RASL11B: variants seen among roughly 807,000 people sequenced by gnomAD.
RASL11B encodes ras-like protein family member 11B.
In RASL11B, 14 loss-of-function variants were observed where a neutral mutation model predicts 22.9. The ratio of observed to expected loss-of-function variants is 0.61; its 90% CI spans 0.40 to 0.96. The LOEUF is 0.96. Ranked by LOEUF, RASL11B falls within the 40% of genes least tolerant of loss-of-function variation. The pLI, the probability that RASL11B is intolerant of heterozygous loss-of-function variation, is 0.00. For missense variants in RASL11B, 261 were observed against 322.0 expected, an observed-to-expected ratio of 0.81 and a Z score of 1.45; for synonymous variants, 143 against 130.2, an observed-to-expected ratio of 1.10 and a Z score of -0.67.
rs764409756 is a variant in RASL11B, at chr4:52,864,533, T to C, written c.255T>C (p.Val85=). ...QIEGETLALQ[V]QDTPGIQVHE... ...AAGGTGAAACCCTGGCTCTTCAGGT[T>C]CAAGACACTCCAGGTATTCAGGTGA... The change falls in exon 3 of 4, where the codon GTT becomes GTC. Residue 85 remains valine, a synonymous_variant. Transcript: ENST00000248706. The C allele has an allele frequency of 1.4e-5, 22 of 1,610,048 alleles. No homozygotes were observed. The highest frequency in any genetic ancestry group is 8.3e-5 in the Admixed American group (5 of 60,010).
At position 52,864,483 on chromosome 4, in the gene RASL11B, C is replaced by G. The variant is rs1421940307; in HGVS notation, c.205C>G (p.Leu69Val). The change falls in exon 3 of 4, where the codon CTC becomes GTC. Residue 69 changes from leucine to valine, a missense_variant. Transcript: ENST00000248706. The stretch of plus-strand genomic sequence containing the variant: ...TCTTTTATTTGCCTTCATAGGTAAT[C>G]TCTATACTAGACAAGTTCAGATAGA... ...IGDYERNAGN[L>V]YTRQVQIEGE... The G allele has an allele frequency of 6.3e-7, 1 of 1,589,816 alleles. No homozygotes were observed. Among genetic ancestry groups the G allele is most frequent in the Non-Finnish European group, 8.6e-7 (1 of 1,158,086 alleles).
chr4:52,866,593 ATG>A lies in RASL11B; in HGVS notation c.*792_*793del, dbSNP rs1718265783. 1 of 152,618 alleles carries A rather than the reference ATG, an allele frequency of 6.6e-6. No individual in the cohort carries two copies. The highest frequency in any genetic ancestry group is 1.5e-5 in the Non-Finnish European group (1 of 68,062). 9.5% of individuals were successfully genotyped at this position (152,618 alleles called of 1,614,324 possible). A position where few individuals can be genotyped will look rare whatever the true frequency, so the allele number is the denominator to read the frequency against. ...TTTTAACTGTTCCATCAGGAAAAAA[ATG>A]TGTCAGTTGATTTTGGTGTGACTTG... is the stretch of plus-strand genomic sequence containing the variant. On this transcript the variant is annotated 3_prime_UTR_variant, in exon 4 of 4. Transcript: ENST00000248706.
rs1718238322 is a variant in RASL11B at position 52,865,430 on chromosome 4, G to C, written c.372G>C (p.Lys124Asn). 2 of 1,614,064 alleles carry C rather than the reference G, an allele frequency of 1.2e-6. No homozygotes were observed. Among genetic ancestry groups the C allele is most frequent in the African/African-American group, 1.3e-5 (1 of 74,926 alleles). The change falls in exon 4 of 4, where the codon AAG becomes AAC. Residue 124 changes from lysine (K) to asparagine (N), a missense_variant. Physicochemically the swap from Lys to Asn is moderately conservative, Grantham distance 94. Transcript: ENST00000248706. ...VVIVFSITDYKSYELISQLHQ... is the reference protein window; with the variant it reads ...VVIVFSITDYNSYELISQLHQ... ...TCGTTTTCTCCATCACTGACTACAAGAGCTATGAACTCATCAGCCAGCTCC... is the reference window on the plus strand; with the variant it reads ...TCGTTTTCTCCATCACTGACTACAACAGCTATGAACTCATCAGCCAGCTCC...
chr4:52,864,554 G>C lies in RASL11B; in HGVS notation c.276G>C (p.Gln92His). The change falls in exon 3 of 4, where the codon CAG becomes CAC. Residue 92 changes from glutamine to histidine, a missense_variant and splice_region_variant. Coordinates refer to ENST00000248706, the MANE Select transcript of RASL11B (RefSeq NM_023940.3). The stretch of plus-strand genomic sequence containing the variant: ...AGGTTCAAGACACTCCAGGTATTCA[G>C]GTGAGAAGCTCTGAGACTCTGGGTG... ...ALQVQDTPGI[Q>H]VHENSLSCSE... The C allele has an allele frequency of 3.1e-6, 5 of 1,599,374 alleles. No homozygotes were observed. The highest frequency in any genetic ancestry group is 4.3e-6 in the Non-Finnish European group (5 of 1,166,558).
intron 1 of RASL11B, 60 bp downstream of exon 1, chr4:52,862,709 C>G: frequency 1.4e-6 from 2 of 1,472,498 alleles, no homozygotes; most frequent in East Asian, 5.0e-5. Flanking sequence ...GGAGTTGAGG[C>G]TGAACAAGGC....
rs753555286 is a variant in RASL11B at position 52,862,550 on chromosome 4, G to A, written c.43G>A (p.Ala15Thr). ...CATGTGCACCATCGCCGAGTACCCC[G>A]CGCCGGGCAACGCCGCGGCCTCCGA... Reference protein sequence around the residue: ...QNMCTIAEYPAPGNAAASDCC... With the variant: ...QNMCTIAEYPTPGNAAASDCC... Residue 15 changes from alanine (A) to threonine (T), a missense_variant, in exon 1 of 4, where the codon GCG becomes ACG. By Grantham distance (58) the Ala-to-Thr change is moderately conservative (BLOSUM62 0). Coordinates refer to ENST00000248706, the MANE Select transcript of RASL11B (RefSeq NM_023940.3). 1 of 1,605,838 alleles carries A rather than the reference G, an allele frequency of 6.2e-7. No homozygotes were observed. Among genetic ancestry groups the A allele is most frequent in the South Asian group, 1.1e-5 (1 of 90,626 alleles).
At chr4:52,865,140 CA>C (rs372747892) in intron 3 of RASL11B, among the ~76,000 whole-genome samples, 194 bp from the exon 4 acceptor site, 5 of 152,318 alleles carry the variant, frequency 3.3e-5, no homozygotes, top group Non-Finnish European at 1.5e-5. Flanking sequence ...TGGTAAGCTG[CA>C]CTGTTATTTA....
chr4:52,865,243 A>G (rs946537968), intron 3 of RASL11B, 92 bp from the exon 4 acceptor site: 2 of 1,039,716 alleles, frequency 1.9e-6, no homozygotes, highest in Non-Finnish European at 1.4e-6. Context: ...TGGCACTACT[A>G]TGAAGGGCTC....
Position 52,865,843 on chromosome 4 carries a change from G to A in RASL11B, c.*38G>A. On this transcript the variant is annotated 3_prime_UTR_variant, in exon 4 of 4. Transcript: ENST00000248706. ...ACTCAAGGGGGTTTGGTCTTCCCAG[G>A]AAGAGGGCCTGAGGTTCTCCTAGTG... 1 of 1,497,772 alleles carries A rather than the reference G, an allele frequency of 6.7e-7. No individual in the cohort carries two copies. Among genetic ancestry groups the A allele is most frequent in the Non-Finnish European group, 9.2e-7 (1 of 1,082,558 alleles). The allele number at this position is 1,497,772 out of a possible 1,614,324, so 92.8% of individuals were successfully genotyped here.
chr4:52,864,437 A>G lies in RASL11B; in HGVS notation c.200-41A>G, dbSNP rs1463122044. 5 of 1,268,080 alleles carry G rather than the reference A, an allele frequency of 3.9e-6. No individual in the cohort carries two copies. In the South Asian group the frequency reaches 4.9e-5, roughly 12 times the overall value. 78.6% of individuals were successfully genotyped at this position (1,268,080 alleles called of 1,614,324 possible). A position where few individuals can be genotyped will look rare whatever the true frequency, so the allele number is the denominator to read the frequency against. On this transcript the variant is annotated intron_variant, in intron 2 of 3. Coordinates refer to ENST00000248706, the MANE Select transcript of RASL11B (RefSeq NM_023940.3). ...AAACTCACAATGTTTTAAAAGTTGT[A>G]CAAGAAGGAAGAACATAATCTCTTT...
In RASL11B at chr4:52,866,161, G is replaced by T. The variant is rs751509061; in HGVS notation, c.*356G>T. On this transcript the variant is annotated 3_prime_UTR_variant, in exon 4 of 4. Coordinates refer to ENST00000248706, the MANE Select transcript of RASL11B (RefSeq NM_023940.3). ...AAATGTATTGATGTGATTTACAGTG[G>T]GAATGAAAGAACAGATTAAGCATTG... 1.6e-4 allele frequency: 37 copies of T among 234,396 alleles called. No homozygotes were observed. The highest frequency in any genetic ancestry group is 2.1e-4 in the Non-Finnish European group (25 of 121,108). The allele number at this position is 234,396 out of a possible 1,614,324, so 14.5% of individuals were successfully genotyped here.
rs749853342 is a variant in RASL11B at position 52,865,421 on chromosome 4, T to C, written c.363T>C (p.Thr121=). 6.2e-7 allele frequency: 1 copy of C among 1,614,180 alleles called. No homozygotes were observed. Among genetic ancestry groups the C allele is most frequent in the East Asian group, 2.2e-5 (1 of 44,882 alleles). ...CTGTGGTGATCGTTTTCTCCATCAC[T>C]GACTACAAGAGCTATGAACTCATCA... ...ADAVVIVFSI[T]DYKSYELISQ... is the part of the protein sequence containing the mutation. Residue 121 remains threonine (T), a synonymous_variant, in exon 4 of 4, where the codon ACT becomes ACC. Transcript: ENST00000248706.
At position 52,862,332 on chromosome 4, in the gene RASL11B, C is replaced by CTCAG; in HGVS notation, c.-176_-175insTCAG. ...GCGCGAGTGCAGTCTGGGTCTGGAG[C>CTCAG]CTGAGCCCTGCGGAACCTCGGCGCT... On this transcript the variant is annotated 5_prime_UTR_variant, in exon 1 of 4. Transcript: ENST00000248706. 1.6e-6 allele frequency: 1 copy of CTCAG among 622,364 alleles called. No individual in the cohort carries two copies. Among genetic ancestry groups the CTCAG allele is most frequent in the Non-Finnish European group, 2.6e-6 (1 of 388,606 alleles). 38.6% of individuals were successfully genotyped at this position (622,364 alleles called of 1,614,324 possible).
rs762091155 is a variant in RASL11B, at chr4:52,862,337, G to A, written c.-171G>A. The A allele has an allele frequency of 1.2e-4, 76 of 645,012 alleles. No individual in the cohort carries two copies. The highest frequency in any genetic ancestry group is 9.0e-4 in the Middle Eastern group (2 of 2,230). 40.0% of individuals were successfully genotyped at this position (645,012 alleles called of 1,614,324 possible). A position where few individuals can be genotyped will look rare whatever the true frequency, so the allele number is the denominator to read the frequency against. On this transcript the variant is annotated 5_prime_UTR_variant, in exon 1 of 4. Transcript: ENST00000248706. ...AGTGCAGTCTGGGTCTGGAGCCTGA[G>A]CCCTGCGGAACCTCGGCGCTCGGCC...
At chr4:52,863,524 TTCA>T (rs1234166818) in intron 2 of RASL11B, 200 bp downstream of exon 2, 3 of 595,578 alleles carry the variant, frequency 5.0e-6, no homozygotes, top group Non-Finnish European at 9.0e-6. Context: ...TCCAAGCCCA[TTCA>T]TCATTTTATC....
At chr4:52,862,769 G>A in intron 1 of RASL11B, 120 bp downstream of exon 1, 1 of 1,204,494 alleles carries the variant, frequency 8.3e-7, no homozygotes, top group South Asian at 1.6e-5. Context: ...CCCCGCGCAG[G>A]GAGCCGCTGC....
At chr4:52,863,467 C>T in intron 2 of RASL11B, 143 bp downstream of exon 2, 3 of 671,584 alleles carry the variant, frequency 4.5e-6, no homozygotes, top group Non-Finnish European at 5.3e-6. Flanking sequence ...AGTCCCCAGC[C>T]CTCCATGGCG....
chr4:52,866,117 G>T lies in RASL11B; in HGVS notation c.*312G>T. ...TGCATTCAACTACCTTGTAAATGGTGGTCCGTTGCAGTTTCACCAAATGTA... is the reference window on the plus strand; with the variant it reads ...TGCATTCAACTACCTTGTAAATGGTTGTCCGTTGCAGTTTCACCAAATGTA... On this transcript the variant is annotated 3_prime_UTR_variant, in exon 4 of 4. Transcript: ENST00000248706. 1 of 351,842 alleles carries T rather than the reference G, an allele frequency of 2.8e-6. No individual in the cohort carries two copies. The highest frequency in any genetic ancestry group is 5.2e-6 in the Non-Finnish European group (1 of 192,432). The allele number at this position is 351,842 out of a possible 1,614,324, so 21.8% of individuals were successfully genotyped here.
rs1272690689 is a variant in RASL11B at position 52,866,812 on chromosome 4, A to G, written c.*1007A>G. 6.5e-6 allele frequency: 1 copy of G among 152,688 alleles called. No individual in the cohort carries two copies. The highest frequency in any genetic ancestry group is 1.5e-5 in the Non-Finnish European group (1 of 68,048). 9.5% of individuals were successfully genotyped at this position (152,688 alleles called of 1,614,324 possible). A position where few individuals can be genotyped will look rare whatever the true frequency, so the allele number is the denominator to read the frequency against. ...AAACTGTAATTAATTTATTTTATGT[A>G]CAATAAATCGCATTTGAAAAAGAGC... is the stretch of plus-strand genomic sequence containing the variant. On this transcript the variant is annotated 3_prime_UTR_variant, in exon 4 of 4. Coordinates refer to ENST00000248706, the MANE Select transcript of RASL11B (RefSeq NM_023940.3).
Sources: allele counts gnomAD v4.1 joint callset (sites outside exome capture counted in the v4.1 genomes callset), GRCh38; gene constraint gnomAD v4.1.1; transcripts MANE v1.5; gene names NCBI Gene and HGNC (gene_info 2026-07-23, HGNC 2026-07-21).